PTPRC: variants seen among roughly 807,000 people sequenced by gnomAD.
The protein encoded by PTPRC is protein tyrosine phosphatase receptor type C, also known as receptor-type tyrosine-protein phosphatase C.
In PTPRC, 44 loss-of-function variants were observed where a neutral mutation model predicts 155.9. That is an observed-to-expected ratio of 0.28 (90% CI 0.22 to 0.36). PTPRC has a LOEUF of 0.36. PTPRC is among the 10% of genes least tolerant of loss of function. The probability of loss-of-function intolerance (pLI) is 1.00; values close to 1 mark genes in which losing one functional copy is unlikely to be tolerated. For missense variants in PTPRC, 1,401 were observed against 1,564.6 expected (o/e 0.90, Z 1.76); for synonymous variants, 525 against 533.1 (o/e 0.98, Z 0.21).
Position 198,732,487 on chromosome 1 carries a change from T to C in PTPRC, c.2073T>C (p.Tyr691=). The C allele has an allele frequency of 6.2e-7, 1 of 1,610,872 alleles. No homozygotes were observed. Among genetic ancestry groups the C allele is most frequent in the Non-Finnish European group, 8.5e-7 (1 of 1,177,940 alleles). The part of the protein sequence containing the change: ...NRYVDILPYD[Y]NRVELSEING... ...TTTCTTTTCCTTAAACAGATGATTA[T>C]AACCGTGTTGAACTCTCTGAGATAA... is the stretch of plus-strand genomic sequence containing the variant. Residue 691 remains tyrosine (Y), a synonymous_variant, in exon 20 of 33, where the codon TAT becomes TAC. Coordinates refer to ENST00000442510, the MANE Select transcript of PTPRC (RefSeq NM_002838.5).
chr1:198,720,904 G>A (rs528509004), intron 14 of PTPRC, among the ~76,000 whole-genome samples: 1 of 151,908 alleles, frequency 6.6e-6, no homozygotes, highest in African/African-American at 2.4e-5. Context: ...AGGTGCACTG[G>A]TTTCTCTATA....
At chr1:198,718,975 T>G (rs1251634891) in intron 14 of PTPRC, among the ~76,000 whole-genome samples, 1 of 152,192 alleles carries the variant, frequency 6.6e-6, no homozygotes, top group Non-Finnish European at 1.5e-5. Context: ...TGTATGGCTT[T>G]ATCACATTCT....
chr1:198,644,643 A>G (rs1662837946), intron 2 of PTPRC, among the ~76,000 whole-genome samples: 1 of 151,818 alleles, frequency 6.6e-6, no homozygotes, highest in Non-Finnish European at 1.5e-5. Context: ...AGAGAAACAA[A>G]AGCTTTCCTA....
chr1:198,701,634 C>G (rs1032505468), intron 5 of PTPRC, among the ~76,000 whole-genome samples: 1 of 152,066 alleles, frequency 6.6e-6, no homozygotes, highest in Non-Finnish European at 1.5e-5. Context: ...AAAGTTCTAA[C>G]CTAGTACAAT....
intron 2 of PTPRC, among the ~76,000 whole-genome samples, chr1:198,656,227 A>T (rs1351939185): frequency 6.6e-6 from 1 of 152,088 alleles, no homozygotes; most frequent in Non-Finnish European, 1.5e-5. Flanking sequence ...AGGTTACAAA[A>T]ATTTGGTCAT....
intron 2 of PTPRC, among the ~76,000 whole-genome samples, chr1:198,665,268 T>TC (rs1557979384): frequency 6.6e-6 from 1 of 151,624 alleles, no homozygotes; most frequent in Non-Finnish European, 1.5e-5. Flanking sequence ...TTTTCTTTTT[T>TC]TTTTTTTGTA....
chr1:198,726,153 C>T (rs2102467747), intron 15 of PTPRC, among the ~76,000 whole-genome samples: 1 of 152,246 alleles, frequency 6.6e-6, no homozygotes, highest in South Asian at 2.1e-4. Flanking sequence ...CAGTCATTTG[C>T]AGTTTCTTGC....
intron 3 of PTPRC, chr1:198,693,944 T>C: frequency 6.8e-7 from 1 of 1,478,108 alleles, no homozygotes; most frequent in South Asian, 1.4e-5. Context: ...GGGACAGAAC[T>C]AATAGGTTAG....
intron 3 of PTPRC, chr1:198,692,674 A>T: frequency 2.1e-6 from 2 of 939,848 alleles, no homozygotes; most frequent in Non-Finnish European, 2.6e-6. Context: ...TTAAGACTAT[A>T]AAAAAATGCA....
At chr1:198,670,543 A>G (rs1664583843) in intron 2 of PTPRC, among the ~76,000 whole-genome samples, 1 of 152,196 alleles carries the variant, frequency 6.6e-6, no homozygotes, top group African/African-American at 2.4e-5. Flanking sequence ...TTCAAAGTCT[A>G]GAGCATTTCT....
At chr1:198,739,024 A>C (rs1213349464) in intron 23 of PTPRC, among the ~76,000 whole-genome samples, 1 of 151,790 alleles carries the variant, frequency 6.6e-6, no homozygotes, top group Non-Finnish European at 1.5e-5. Context: ...TTCAGTGTAA[A>C]ATAATGCATT....
intron 15 of PTPRC, among the ~76,000 whole-genome samples, chr1:198,727,508 T>G (rs1171465979): frequency 6.6e-6 from 1 of 152,146 alleles, no homozygotes; most frequent in African/African-American, 2.4e-5. Context: ...CCAGCCACCG[T>G]GCTACGTGTT....
At chr1:198,700,848 C>T (rs1002703755) in intron 5 of PTPRC, among the ~76,000 whole-genome samples, 1 of 152,040 alleles carries the variant, frequency 6.6e-6, no homozygotes, top group South Asian at 2.1e-4. Context: ...ACCTACATAA[C>T]AAGGGAAACG....
At chr1:198,677,116 T>A (rs1664998410) in intron 2 of PTPRC, among the ~76,000 whole-genome samples, 1 of 152,210 alleles carries the variant, frequency 6.6e-6, no homozygotes, top group Non-Finnish European at 1.5e-5. Flanking sequence ...TTAACTGTAA[T>A]GAACATTTAT....
At chr1:198,733,931 A>T (rs1223302806) in intron 20 of PTPRC, among the ~76,000 whole-genome samples, 2 of 151,808 alleles carry the variant, frequency 1.3e-5, no homozygotes, top group Non-Finnish European at 2.9e-5. Context: ...GCAGATGAAG[A>T]TGAAACCTAG....
At position 198,754,303 on chromosome 1, in the gene PTPRC, T is replaced by G. The variant is rs554535702; in HGVS notation, c.3544T>G (p.Leu1182Val). 6.2e-7 allele frequency: 1 copy of G among 1,611,934 alleles called. No homozygotes were observed. The highest frequency in any genetic ancestry group is 1.1e-5 in the South Asian group (1 of 91,054). ...GSQQTGIFCA[L>V]LNLLESAETE... ...TCAGCAAACGGGAATATTTTGTGCTTTGTTAAATCTCTTAGAAAGTGCGGA... is the reference window on the plus strand; with the variant it reads ...TCAGCAAACGGGAATATTTTGTGCTGTGTTAAATCTCTTAGAAAGTGCGGA... Residue 1182 changes from leucine (L) to valine (V), a missense_variant, in exon 32 of 33, where the codon TTG becomes GTG. Transcript: ENST00000442510.
In PTPRC at chr1:198,669,565, A is replaced by G. The variant is rs1369661889; in HGVS notation, c.74-22782A>G. The stretch of plus-strand genomic sequence containing the variant: ...TTTATACTATGTTTTAAGCTTCCCT[A>G]ATATCCCACTGCTGAATCCCACCGA... On this transcript the variant is annotated intron_variant, in intron 2 of 32. Transcript: ENST00000442510. Among the ~76,000 whole-genome samples, 4 of 152,190 alleles carry G rather than the reference A, an allele frequency of 2.6e-5. No individual in the cohort carries two copies. The South Asian group carries it at 8.3e-4, about 32-fold the overall frequency.
At chr1:198,721,298 G>T (rs1653873351) in intron 14 of PTPRC, among the ~76,000 whole-genome samples, 1 of 151,922 alleles carries the variant, frequency 6.6e-6, no homozygotes, top group African/African-American at 2.4e-5. Flanking sequence ...CTTTTCCATA[G>T]ATTTATTTTG....
intron 23 of PTPRC, among the ~76,000 whole-genome samples, chr1:198,735,751 G>A (rs1351727269): frequency 2.0e-5 from 3 of 151,434 alleles, no homozygotes; most frequent in South Asian, 2.1e-4. Flanking sequence ...AATAGAGATC[G>A]TCATGCATGT....
Sources: gnomAD v4.1 joint callset for allele counts (sites outside exome capture counted in the v4.1 genomes callset) on GRCh38, gnomAD v4.1.1 for gene constraint, MANE v1.5 for transcripts, NCBI Gene and HGNC (gene_info 2026-07-23, HGNC 2026-07-21) for gene names.